The following ZC3H13 variants were observed in gnomAD, a reference collection of about 807,000 sequenced individuals.
ZC3H13 encodes the protein zinc finger CCCH domain-containing protein 13.
ZC3H13 carries 64 observed loss-of-function variants against 204.1 expected under a neutral mutation model. The observed-to-expected ratio is 0.31, with a 90% CI of 0.26 to 0.39. ZC3H13 has a LOEUF of 0.39. ZC3H13 is among the 10% of genes least tolerant of loss of function. The pLI is 1.00. For synonymous variants in ZC3H13, 667 were observed against 693.7 expected (o/e 0.96, Z 0.60); for missense variants, 1,833 against 2,082.7 (o/e 0.88, Z 2.33).
intron 4 of ZC3H13, among the ~76,000 whole-genome samples, chr13:46,038,754 G>A (rs1310565947): frequency 2.0e-5 from 3 of 152,134 alleles, no homozygotes; most frequent in Admixed American, 1.3e-4. Context: ...CCTTGCTGGT[G>A]GCTCATGCCT....
rs759781404 is a variant in ZC3H13, at chr13:45,989,046, G to A, written c.996C>T (p.His332=). 6 of 1,614,070 alleles carry A rather than the reference G, an allele frequency of 3.7e-6. No homozygotes were observed. The highest frequency in any genetic ancestry group is 2.2e-5 in the South Asian group (2 of 91,084). Residue 332 remains histidine (H), a synonymous_variant, in exon 9 of 19, where the codon CAC becomes CAT. Transcript: ENST00000679008. ...QHHSPISSRH[H]SSSSQSGSSI... Reference sequence around the variant, plus strand: ...ATGATCCTGATTGTGAGGAAGATGAGTGATGTCTAGAAGATATAGGAGAAT... The same window carrying A: ...ATGATCCTGATTGTGAGGAAGATGAATGATGTCTAGAAGATATAGGAGAAT...
chr13:45,977,489 A>T (rs1274289027), intron 11 of ZC3H13, among the ~76,000 whole-genome samples: 2 of 152,186 alleles, frequency 1.3e-5, no homozygotes, highest in African/African-American at 4.8e-5. Context: ...TAAAATGTCT[A>T]AATTATCTTC....
rs1566366260 is a variant in ZC3H13, at chr13:46,045,450, T to C, written c.58A>G (p.Thr20Ala). The C allele has an allele frequency of 6.2e-7, 1 of 1,614,172 alleles. No homozygotes were observed. The highest frequency in any genetic ancestry group is 1.7e-5 in the Admixed American group (1 of 60,030). Residue 20 changes from threonine (T) to alanine (A), a missense_variant, in exon 2 of 19, where the codon ACA becomes GCA. Around this residue, in one of 5 missense-constraint regions of ZC3H13, gnomAD observed 24 missense variants for 27.6 expected, o/e 0.87. Coordinates refer to ENST00000679008, the MANE Select transcript of ZC3H13 (RefSeq NM_001330564.2). ...VENTKTISDS[T>A]SRRPSVFERL... ...TCAAATACACTGGGTCTTCGGGATG[T>C]GCTATCAGATATAGTCTTGGTATTT...
rs1194881971 is a variant in ZC3H13, at chr13:46,042,174, G to A, written c.329C>T (p.Ser110Leu). 1.2e-6 allele frequency: 2 copies of A among 1,612,152 alleles called. No homozygotes were observed. Among genetic ancestry groups the A allele is most frequent in the South Asian group, 2.2e-5 (2 of 90,992 alleles). ...PQKRNTEESS[S>L]PVRKESSRGR... is the part of the protein sequence containing the mutation. ...GAAATTCAATCCTACCCTAACAGGTGAGGATGACTCCTCTGTATTTCGTTT... is the reference window on the plus strand; with the variant it reads ...GAAATTCAATCCTACCCTAACAGGTAAGGATGACTCCTCTGTATTTCGTTT... Residue 110 changes from serine (S) to leucine (L), a missense_variant, in exon 4 of 19, where the codon TCA becomes TTA. By Grantham distance (145) the Ser-to-Leu change is moderately radical (BLOSUM62 -2). Coordinates refer to ENST00000679008, the MANE Select transcript of ZC3H13 (RefSeq NM_001330564.2).
chr13:46,000,732 C>T (rs1277145494), intron 8 of ZC3H13, among the ~76,000 whole-genome samples: 1 of 152,158 alleles, frequency 6.6e-6, no homozygotes, highest in Non-Finnish European at 1.5e-5. Flanking sequence ...TTTTCCTTTG[C>T]ATTCACAACT....
At chr13:46,002,004 C>T (rs577205271) in intron 8 of ZC3H13, among the ~76,000 whole-genome samples, 1 of 150,286 alleles carries the variant, frequency 6.7e-6, no homozygotes, top group South Asian at 2.1e-4. Context: ...AATCTTATCT[C>T]TGTTAAGGGG....
At chr13:46,010,263 A>G in intron 7 of ZC3H13, 85 bp downstream of exon 7, 3 of 1,313,318 alleles carry the variant, frequency 2.3e-6, no homozygotes, top group Non-Finnish European at 2.0e-6. Context: ...AATGTACTAA[A>G]AGTACCCTTT....
chr13:45,997,968 GC>G (rs1257461614), intron 8 of ZC3H13, among the ~76,000 whole-genome samples: 3 of 152,118 alleles, frequency 2.0e-5, no homozygotes, highest in African/African-American at 7.2e-5. Flanking sequence ...GCTCACTGCT[GC>G]AATACCAGCT....
rs1952944397 is a variant in ZC3H13 at position 45,975,460 on chromosome 13, C to T, written c.2291G>A (p.Arg764Gln). The change falls in exon 12 of 19, where the codon CGG becomes CAG. Residue 764 changes from arginine to glutamine, a missense_variant. This residue lies in a region of ZC3H13 where 1,574 missense variants were observed against 1,757.2 expected (regional missense o/e 0.90). Coordinates refer to ENST00000679008, the MANE Select transcript of ZC3H13 (RefSeq NM_001330564.2). ...CCGTTCTCGCTCTCGCTCTCTCTCCCGTTCTCGCTCTCTCTCCCTCTCTCT... is the reference window on the plus strand; with the variant it reads ...CCGTTCTCGCTCTCGCTCTCTCTCCTGTTCTCGCTCTCTCTCCCTCTCTCT... ...EERERERERE[R>Q]ERERERERER... is the part of the protein sequence containing the mutation. 6 of 1,613,120 alleles carry T rather than the reference C, an allele frequency of 3.7e-6. No individual in the cohort carries two copies. The highest frequency in any genetic ancestry group is 3.3e-5 in the Admixed American group (2 of 59,916).
chr13:46,013,219 T>C (rs574642977), intron 5 of ZC3H13, among the ~76,000 whole-genome samples: 13 of 152,162 alleles, frequency 8.5e-5, no homozygotes, highest in African/African-American at 2.6e-4. Flanking sequence ...ATCGAGACCA[T>C]CCTGGCCAAC....
chr13:45,989,964 C>CA (rs1446367463), intron 8 of ZC3H13, among the ~76,000 whole-genome samples: 4 of 152,138 alleles, frequency 2.6e-5, no homozygotes, highest in Admixed American at 6.5e-5. Context: ...AAAGCTTATT[C>CA]AAAAAAATTC....
chr13:46,003,905 A>G (rs2040932375), intron 7 of ZC3H13, among the ~76,000 whole-genome samples: 1 of 152,196 alleles, frequency 6.6e-6, no homozygotes, highest in African/African-American at 2.4e-5. Context: ...AAAATATAGA[A>G]GAAAAGCTTC....
intron 1 of ZC3H13, among the ~76,000 whole-genome samples, chr13:46,047,151 G>A (rs2044024889): frequency 6.6e-6 from 1 of 151,996 alleles, no homozygotes; most frequent in African/African-American, 2.4e-5. Context: ...GGTTCAATGA[G>A]GTACTTCAGG....
chr13:46,037,622 C>T (rs1421903197), intron 4 of ZC3H13, among the ~76,000 whole-genome samples: 1 of 151,336 alleles, frequency 6.6e-6, no homozygotes, highest in Non-Finnish European at 1.5e-5. Flanking sequence ...CAACTATTTC[C>T]TACTGACTAC....
chr13:46,003,199 C>T lies in ZC3H13; in HGVS notation c.884G>A (p.Arg295Lys), dbSNP rs1334138452. 4.3e-6 allele frequency: 7 copies of T among 1,612,896 alleles called. No homozygotes were observed. In the South Asian group the frequency reaches 4.4e-5, roughly 10 times the overall value. ...ATCTCGTCCTCTGTCCTTTCCATCT[C>T]TTGTTTTTTCTTCTATCCTGTCTTT... ...KVKDRIEEKT[R>K]DGKDRGRDFE... The change falls in exon 8 of 19, where the codon AGA becomes AAA. Residue 295 changes from arginine to lysine, a missense_variant. Transcript: ENST00000679008.
chr13:45,974,808 A>AT (rs1395197790), intron 12 of ZC3H13, among the ~76,000 whole-genome samples: 2 of 152,020 alleles, frequency 1.3e-5, no homozygotes, highest in African/African-American at 4.8e-5. Flanking sequence ...AAGTTCACTG[A>AT]TTCCTGTCTT....
At chr13:45,962,490 G>A (rs1393585559) in intron 17 of ZC3H13, 3 of 983,508 alleles carry the variant, frequency 3.1e-6, no homozygotes, top group Non-Finnish European at 3.6e-6. Flanking sequence ...AGGCTCACAG[G>A]AGTTATTTGC....
chr13:46,001,569 G>A (rs1465858116), intron 8 of ZC3H13: 3 of 152,072 alleles, frequency 2.0e-5, no homozygotes, highest in African/African-American at 7.2e-5. Flanking sequence ...GATAACCAAG[G>A]GAGAAAAACT....
intron 8 of ZC3H13, among the ~76,000 whole-genome samples, chr13:45,996,855 T>C (rs772862778): frequency 3.3e-5 from 5 of 151,638 alleles, no homozygotes; most frequent in Non-Finnish European, 5.9e-5. Context: ...TAAGAAGGAA[T>C]AGTCTATACA....
Sources: allele counts gnomAD v4.1 joint callset (sites outside exome capture counted in the v4.1 genomes callset), GRCh38; gene constraint gnomAD v4.1.1; regional missense constraint gnomAD v4.1.1; transcripts MANE v1.5; gene names NCBI Gene and HGNC (gene_info 2026-07-23, HGNC 2026-07-21).